INTU: variants seen among roughly 807,000 people sequenced by gnomAD.
INTU encodes the protein inturned planar cell polarity protein.
INTU carries 68 observed loss-of-function variants against 100.5 expected under a neutral mutation model. The observed-to-expected ratio is 0.68, with a 90% CI of 0.56 to 0.83. INTU has a LOEUF of 0.83. Ranked by LOEUF, INTU falls within the 40% of genes least tolerant of loss-of-function variation. The pLI is 0.00. For missense variants in INTU, 1,071 were observed against 1,114.7 expected (o/e 0.96, Z 0.56); for synonymous variants, 357 against 395.7 (o/e 0.90, Z 1.16).
intron 2 of INTU, among the ~76,000 whole-genome samples, chr4:127,653,581 G>A (rs923633400): frequency 1.3e-5 from 2 of 152,172 alleles, no homozygotes; most frequent in Non-Finnish European, 1.5e-5. Flanking sequence ...ACTGTGGTCT[G>A]AGAGATAGTT....
rs1017666838 is a variant in INTU at position 127,669,229 on chromosome 4, A to G, written c.1091+75A>G. On this transcript the variant is annotated intron_variant, in intron 5 of 15. Coordinates refer to ENST00000335251, the MANE Select transcript of INTU (RefSeq NM_015693.4). ...TTCACCCTGACAAAATGCTAAAACA[A>G]GTATCTGGTATACAAATATACTTGT... 1.0e-5 allele frequency: 7 copies of G among 679,974 alleles called. No homozygotes were observed. The East Asian group carries it at 1.5e-4, about 15-fold the overall frequency. 42.1% of individuals were successfully genotyped at this position (679,974 alleles called of 1,614,324 possible).
chr4:127,650,126 A>G (rs1181952032), intron 2 of INTU, among the ~76,000 whole-genome samples: 2 of 152,258 alleles, frequency 1.3e-5, no homozygotes, highest in Non-Finnish European at 2.9e-5. Context: ...ACATAGATCA[A>G]TAACAGAAGT....
At chr4:127,643,131 C>T (rs552210512) in intron 1 of INTU, among the ~76,000 whole-genome samples, 8 of 152,170 alleles carry the variant, frequency 5.3e-5, no homozygotes, top group African/African-American at 1.4e-4. Flanking sequence ...GATATAATTG[C>T]ATAATCAACT....
chr4:127,636,350 C>T (rs936520700), intron 1 of INTU, among the ~76,000 whole-genome samples: 1 of 152,036 alleles, frequency 6.6e-6, no homozygotes, highest in Non-Finnish European at 1.5e-5. Context: ...TGGGCTCACA[C>T]CTGTAATCCC....
rs534323200 is a variant in INTU, at chr4:127,651,459, C to T, written c.683-5177C>T. The stretch of plus-strand genomic sequence containing the variant: ...TATGGCTAGCCAGTTATCCCAGCAC[C>T]ATTTATTAAATAGGGAATCCTTTCC... On this transcript the variant is annotated intron_variant, in intron 2 of 15. Transcript: ENST00000335251. Among the ~76,000 whole-genome samples the T allele has an allele frequency of 2.0e-5, 3 of 152,284 alleles. No individual in the cohort carries two copies. The South Asian group carries it at 6.2e-4, about 32-fold the overall frequency.
intron 1 of INTU, 27 bp downstream of exon 1, chr4:127,633,207 A>G (rs1477809587): frequency 6.2e-7 from 1 of 1,605,212 alleles, no homozygotes; most frequent in Non-Finnish European, 8.5e-7. Context: ...GGGACAATTA[A>G]TCCCATCCCA....
intron 5 of INTU, among the ~76,000 whole-genome samples, chr4:127,671,545 A>G (rs1422079760): frequency 1.3e-5 from 2 of 152,082 alleles, no homozygotes; most frequent in African/African-American, 2.4e-5. Flanking sequence ...TCTACAGAAA[A>G]CAGTATGGAG....
intron 12 of INTU, among the ~76,000 whole-genome samples, chr4:127,707,342 C>T (rs925300802): frequency 8.0e-6 from 1 of 125,528 alleles, no homozygotes; most frequent in African/African-American, 3.0e-5. Flanking sequence ...GAGATTGTGC[C>T]ACTGCATGAT....
At chr4:127,671,677 G>A (rs886263289) in intron 5 of INTU, among the ~76,000 whole-genome samples, 5 of 151,984 alleles carry the variant, frequency 3.3e-5, no homozygotes, top group African/African-American at 1.2e-4. Flanking sequence ...ATTTATGAGT[G>A]CTATTCACAA....
chr4:127,674,023 A>G (rs1729057494), intron 5 of INTU, 101 bp from the exon 6 acceptor site: 1 of 628,158 alleles, frequency 1.6e-6, no homozygotes. Context: ...TTAAGTATGT[A>G]GTTCTTAAAT....
intron 4 of INTU, 40 bp downstream of exon 4, chr4:127,663,624 A>C (rs1268993947): frequency 1.3e-6 from 2 of 1,549,020 alleles, no homozygotes. Context: ...AAGTTTAGTC[A>C]AAAGCCCAAA....
chr4:127,713,813 TAAG>T (rs1297003608), intron 14 of INTU, 120 bp from the exon 15 acceptor site: 1 of 633,616 alleles, frequency 1.6e-6, no homozygotes. Context: ...TTCCTGCAGA[TAAG>T]AAGAATGTCA....
At chr4:127,642,417 TTGAGTAATAGAATAGTATATTTTGGGGGC>T (rs1727375044) in intron 1 of INTU, among the ~76,000 whole-genome samples, 1 of 152,118 alleles carries the variant, frequency 6.6e-6, no homozygotes, top group South Asian at 2.1e-4. Context: ...TTAGTTTGAG[TTGAGTAATAGAATAGTATATTTTGGGGGC>T]TAATTTTCAA....
At chr4:127,699,123 T>TGC (rs1229848999) in intron 8 of INTU, 2 of 152,252 alleles carry the variant, frequency 1.3e-5, no homozygotes, top group East Asian at 3.9e-4. Context: ...GAGCTGAGAT[T>TGC]GCGCCACTGC....
intron 5 of INTU, 108 bp downstream of exon 5, chr4:127,669,262 A>G (rs770057522): frequency 2.0e-5 from 11 of 561,814 alleles, no homozygotes; most frequent in African/African-American, 7.6e-5. Flanking sequence ...TGTATCTACA[A>G]TGTATGTATT....
At chr4:127,636,632 A>G (rs1369550243) in intron 1 of INTU, among the ~76,000 whole-genome samples, 3 of 151,116 alleles carry the variant, frequency 2.0e-5, no homozygotes, top group Non-Finnish European at 4.4e-5. Flanking sequence ...AAAAAAAAAA[A>G]TCTGTACAGC....
chr4:127,668,994 G>T (rs1159524770), intron 4 of INTU, 42 bp from the exon 5 acceptor site: 5 of 896,124 alleles, frequency 5.6e-6, no homozygotes, highest in Non-Finnish European at 8.7e-6. Context: ...AAAGATAATG[G>T]TTGGAAAATT....
chr4:127,651,489 T>G (rs1727873773), intron 2 of INTU, among the ~76,000 whole-genome samples: 1 of 152,222 alleles, frequency 6.6e-6, no homozygotes, highest in African/African-American at 2.4e-5. Flanking sequence ...CTTTCCCCAT[T>G]GCTTGTTTTT....
rs920693684 is a variant in INTU at position 127,709,265 on chromosome 4, G to A, written c.2369+597G>A. Among the ~76,000 whole-genome samples, 13 of 152,246 alleles carry A rather than the reference G, an allele frequency of 8.5e-5. No individual in the cohort carries two copies. The Middle Eastern group carries it at 0.014, about 159-fold the overall frequency. On this transcript the variant is annotated intron_variant, in intron 13 of 15. Coordinates refer to ENST00000335251, the MANE Select transcript of INTU (RefSeq NM_015693.4). ...AAGCTTCAGAGTACACAGTGGTATC[G>A]GCTGAGACTTGTTGCCGCTGCAGCA...
Sources: gnomAD v4.1 joint callset for allele counts (sites outside exome capture counted in the v4.1 genomes callset) on GRCh38, gnomAD v4.1.1 for gene constraint, MANE v1.5 for transcripts, NCBI Gene and HGNC (gene_info 2026-07-23, HGNC 2026-07-21) for gene names.